The following GRM5 variants were observed in gnomAD, a reference collection of about 807,000 sequenced individuals.
GRM5 encodes the protein glutamate metabotropic receptor 5.
In GRM5, 19 loss-of-function variants were observed where a neutral mutation model predicts 83.1. The observed-to-expected ratio is 0.23, with a 90% CI of 0.16 to 0.34. The LOEUF (loss-of-function observed/expected upper bound fraction) is 0.34. Among genes scored for constraint, GRM5 ranks in the 10% least tolerant of loss-of-function variants. The pLI is 1.00. For synonymous variants in GRM5, 675 were observed against 633.6 expected, an observed-to-expected ratio of 1.07 and a Z score of -0.98; for missense variants, 1,160 against 1,588.3, an observed-to-expected ratio of 0.73 and a Z score of 4.58.
At chr11:88,919,405 C>T (rs909393313) in intron 2 of GRM5, among the ~76,000 whole-genome samples, 9 of 150,154 alleles carry the variant, frequency 6.0e-5, no homozygotes, top group African/African-American at 1.2e-4. Context: ...ATAAAACAAA[C>T]GTTATAAGAG....
At chr11:88,958,670 T>C (rs1158750569) in intron 2 of GRM5, among the ~76,000 whole-genome samples, 1 of 152,156 alleles carries the variant, frequency 6.6e-6, no homozygotes, top group Non-Finnish European at 1.5e-5. Flanking sequence ...TCTCAAACTT[T>C]CTAAGTTTCA....
intron 2 of GRM5, among the ~76,000 whole-genome samples, chr11:88,877,331 T>G (rs1056448745): frequency 7.2e-5 from 11 of 152,004 alleles, no homozygotes; most frequent in Admixed American, 3.3e-4. Flanking sequence ...TTAGATAATT[T>G]CACACAAGTA....
intron 1 of GRM5, among the ~76,000 whole-genome samples, chr11:89,056,883 A>T (rs1378905978): frequency 6.6e-6 from 1 of 152,196 alleles, no homozygotes; most frequent in Non-Finnish European, 1.5e-5. Context: ...TTACTAGCAC[A>T]TTATAGAAAA....
intron 3 of GRM5, among the ~76,000 whole-genome samples, chr11:88,668,040 G>T (rs557026679): frequency 6.6e-6 from 1 of 152,004 alleles, no homozygotes; most frequent in African/African-American, 2.4e-5. Context: ...TTGTAAAAGG[G>T]CAGCCAAAAA....
intron 3 of GRM5, among the ~76,000 whole-genome samples, chr11:88,752,628 G>A (rs1400573903): frequency 1.3e-5 from 2 of 152,110 alleles, no homozygotes; most frequent in Non-Finnish European, 2.9e-5. Flanking sequence ...AACCAAAAAA[G>A]AGCCCAAATG....
At chr11:88,636,990 C>T (rs2135280027) in intron 4 of GRM5, among the ~76,000 whole-genome samples, 1 of 152,260 alleles carries the variant, frequency 6.6e-6, no homozygotes, top group South Asian at 2.1e-4. Context: ...TAGCGTGATG[C>T]CTCCAGCCTT....
chr11:88,795,689 G>A (rs1267612075), intron 3 of GRM5, among the ~76,000 whole-genome samples: 1 of 152,076 alleles, frequency 6.6e-6, no homozygotes, highest in East Asian at 1.9e-4. Context: ...ATGCATAAAT[G>A]AAGGCTTAAA....
chr11:88,726,322 G>A (rs941843887), intron 3 of GRM5, among the ~76,000 whole-genome samples: 1 of 152,076 alleles, frequency 6.6e-6, no homozygotes, highest in Non-Finnish European at 1.5e-5. Context: ...AATAAAGTGT[G>A]AAGACAAGAT....
At chr11:88,557,966 T>G (rs764734922) in intron 8 of GRM5, among the ~76,000 whole-genome samples, 41 of 152,208 alleles carry the variant, frequency 2.7e-4, no homozygotes, top group South Asian at 8.3e-4. Context: ...TTCAGTGACT[T>G]CTGATTTCTC....
intron 8 of GRM5, among the ~76,000 whole-genome samples, chr11:88,534,677 G>A (rs866248568): frequency 1.1e-4 from 17 of 152,260 alleles, no homozygotes; most frequent in Middle Eastern, 3.4e-3. Flanking sequence ...AGACTTTAGG[G>A]GACTGTCAGG....
intron 2 of GRM5, among the ~76,000 whole-genome samples, chr11:88,908,519 T>A (rs1432889710): frequency 6.6e-6 from 1 of 152,142 alleles, no homozygotes; most frequent in Non-Finnish European, 1.5e-5. Context: ...TCGGTAACTA[T>A]CTTTCCACAA....
chr11:88,683,015 TTAAG>T (rs1940533041), intron 3 of GRM5, among the ~76,000 whole-genome samples: 1 of 152,190 alleles, frequency 6.6e-6, no homozygotes, highest in African/African-American at 2.4e-5. Flanking sequence ...CATTACAACT[TTAAG>T]TAGTTAATTT....
intron 2 of GRM5, among the ~76,000 whole-genome samples, chr11:88,854,928 A>G (rs1025423806): frequency 6.6e-6 from 1 of 152,020 alleles, no homozygotes; most frequent in African/African-American, 2.4e-5. Flanking sequence ...CAGATGGTAC[A>G]AATTCAATAT....
intron 8 of GRM5, among the ~76,000 whole-genome samples, chr11:88,552,441 C>T (rs1369049134): frequency 6.6e-6 from 1 of 152,172 alleles, no homozygotes; most frequent in Non-Finnish European, 1.5e-5. Context: ...ATCTGGGAAT[C>T]AGCACCTCTA....
At chr11:88,620,724 A>G (rs12785879) in intron 4 of GRM5, among the ~76,000 whole-genome samples, 18,273 of 152,230 alleles carry the variant, frequency 0.12, 1,457 homozygotes, top group Non-Finnish European at 0.18. Flanking sequence ...CCTATGCCTA[A>G]CACTATACTG....
chr11:88,991,547 A>G (rs1043289663), intron 2 of GRM5, among the ~76,000 whole-genome samples: 3 of 150,644 alleles, frequency 2.0e-5, no homozygotes, highest in Non-Finnish European at 3.0e-5. Context: ...AAGAGCCTGC[A>G]TCACCAACTC....
chr11:88,978,523 A>C (rs1185078649), intron 2 of GRM5, among the ~76,000 whole-genome samples: 1 of 142,614 alleles, frequency 7.0e-6, no homozygotes, highest in African/African-American at 2.7e-5. Context: ...AAAACCTCAT[A>C]ATGTCTTAAG....
intron 3 of GRM5, among the ~76,000 whole-genome samples, chr11:88,730,653 G>T (rs1033379765): frequency 6.6e-6 from 1 of 152,134 alleles, no homozygotes; most frequent in Non-Finnish European, 1.5e-5. Context: ...ATAAAAAAAT[G>T]TGGCACATAC....
chr11:88,934,462 A>C (rs1481909603), intron 2 of GRM5, among the ~76,000 whole-genome samples: 1 of 151,900 alleles, frequency 6.6e-6, no homozygotes, highest in Non-Finnish European at 1.5e-5. Flanking sequence ...GGTGAGGGTT[A>C]AATCATACCA....
Sources: allele counts gnomAD v4.1 joint callset (sites outside exome capture counted in the v4.1 genomes callset), GRCh38; gene constraint gnomAD v4.1.1; transcripts MANE v1.5; gene names NCBI Gene and HGNC (gene_info 2026-07-23, HGNC 2026-07-21).